NPAS3: variants seen among roughly 807,000 people sequenced by gnomAD.
The protein encoded by NPAS3 is neuronal PAS domain protein 3.
A neutral mutation model predicts 73.1 loss-of-function variants in NPAS3; 14 were observed. That is an observed-to-expected ratio of 0.19 (90% CI 0.13 to 0.30). NPAS3 has a LOEUF of 0.30. NPAS3 is among the 10% of genes least tolerant of loss of function. The pLI, the probability that NPAS3 is intolerant of heterozygous loss-of-function variation, is 1.00. For synonymous variants in NPAS3, 620 were observed against 541.5 expected (o/e 1.14, Z -2.01); for missense variants, 1,096 against 1,250.0 (o/e 0.88, Z 1.86).
intron 1 of NPAS3, among the ~76,000 whole-genome samples, chr14:32,995,004 T>C (rs755646120): frequency 2.0e-5 from 3 of 152,322 alleles, no homozygotes; most frequent in Middle Eastern, 3.4e-3. Context: ...TTTGGAGCAA[T>C]TGTTATTTCA....
At chr14:33,754,696 C>T (rs538206377) in intron 7 of NPAS3, among the ~76,000 whole-genome samples, 1 of 152,170 alleles carries the variant, frequency 6.6e-6, no homozygotes, top group Non-Finnish European at 1.5e-5. Flanking sequence ...TGTCCTTAGT[C>T]CCCAAGAACA....
At chr14:33,012,332 T>C (rs1231417607) in intron 1 of NPAS3, among the ~76,000 whole-genome samples, 1 of 152,214 alleles carries the variant, frequency 6.6e-6, no homozygotes, top group Non-Finnish European at 1.5e-5. Flanking sequence ...ACTTCAAATA[T>C]TCAATTTCTA....
At chr14:33,461,651 A>G (rs970930210) in intron 4 of NPAS3, among the ~76,000 whole-genome samples, 2 of 152,222 alleles carry the variant, frequency 1.3e-5, no homozygotes, top group African/African-American at 4.8e-5. Context: ...AACCACTGCC[A>G]TGTTTGCGGT....
At chr14:33,346,453 A>C (rs996895286) in intron 3 of NPAS3, among the ~76,000 whole-genome samples, 32 of 150,178 alleles carry the variant, frequency 2.1e-4, no homozygotes, top group Non-Finnish European at 3.8e-4. Context: ...GCTTGAACCC[A>C]AGAGGTTGAG....
chr14:33,681,619 T>G (rs2059940428), intron 6 of NPAS3, among the ~76,000 whole-genome samples: 1 of 152,182 alleles, frequency 6.6e-6, no homozygotes, highest in South Asian at 2.1e-4. Flanking sequence ...TATCTACATA[T>G]AGAGTAGCAA....
At chr14:33,197,993 C>T (rs1233065019) in intron 2 of NPAS3, among the ~76,000 whole-genome samples, 2 of 151,396 alleles carry the variant, frequency 1.3e-5, no homozygotes, top group African/African-American at 4.8e-5. Flanking sequence ...GTCTCACTGG[C>T]TTCAGGAGTG....
intron 5 of NPAS3, among the ~76,000 whole-genome samples, chr14:33,650,121 C>T (rs1029264930): frequency 3.9e-5 from 6 of 152,154 alleles, no homozygotes; most frequent in Non-Finnish European, 8.8e-5. Flanking sequence ...GCATTTTGTA[C>T]AGACACAGGC....
intron 3 of NPAS3, among the ~76,000 whole-genome samples, chr14:33,316,712 C>T (rs1337430434): frequency 6.6e-6 from 1 of 152,034 alleles, no homozygotes; most frequent in Non-Finnish European, 1.5e-5. Context: ...CCCTCTTGTG[C>T]ATGTGTTAGC....
chr14:33,390,294 G>T (rs2046946335), intron 4 of NPAS3, among the ~76,000 whole-genome samples: 1 of 152,074 alleles, frequency 6.6e-6, no homozygotes, highest in African/African-American at 2.4e-5. Flanking sequence ...TAAAGACAGT[G>T]GTGAAAACAA....
chr14:33,334,724 G>GTTA (rs1487671704), intron 3 of NPAS3, among the ~76,000 whole-genome samples: 2 of 151,884 alleles, frequency 1.3e-5, no homozygotes, highest in African/African-American at 2.4e-5. Context: ...TAGAATTTTG[G>GTTA]GGAACCAGTT....
chr14:33,301,781 A>G lies in NPAS3; in HGVS notation c.386-65405A>G, dbSNP rs912506257. Reference sequence around the variant, plus strand: ...GTACCATGGTACTGGTAACACACAGAGAATTATTTTTCTTACGTTATACAT... The same window carrying G: ...GTACCATGGTACTGGTAACACACAGGGAATTATTTTTCTTACGTTATACAT... On this transcript the variant is annotated intron_variant, in intron 3 of 11. Coordinates refer to ENST00000356141, the Ensembl canonical transcript of NPAS3. Among the ~76,000 whole-genome samples the G allele has an allele frequency of 2.6e-5, 4 of 152,230 alleles. No individual in the cohort carries two copies. The East Asian group carries it at 5.8e-4, about 22-fold the overall frequency.
intron 6 of NPAS3, among the ~76,000 whole-genome samples, chr14:33,694,259 A>T (rs1357914175): frequency 6.6e-6 from 1 of 152,200 alleles, no homozygotes; most frequent in African/African-American, 2.4e-5. Flanking sequence ...ATATTAAAAC[A>T]TTATCTAAGA....
chr14:33,233,364 CT>C (rs1245462221), intron 3 of NPAS3, among the ~76,000 whole-genome samples: 1 of 152,076 alleles, frequency 6.6e-6, no homozygotes, highest in Non-Finnish European at 1.5e-5. Context: ...ACTGGAAGTA[CT>C]TTTAACTATA....
At chr14:33,029,453 C>G (rs116890913) in intron 1 of NPAS3, among the ~76,000 whole-genome samples, 3,015 of 152,176 alleles carry the variant, frequency 0.02, 64 homozygotes, top group Non-Finnish European at 0.026. Context: ...CTTAGGAGAG[C>G]TCTTGAATCT....
At chr14:33,536,435 G>A (rs967395290) in intron 4 of NPAS3, among the ~76,000 whole-genome samples, 2 of 152,108 alleles carry the variant, frequency 1.3e-5, no homozygotes, top group Admixed American at 6.6e-5. Context: ...GTGCTAGATT[G>A]TATTTTTTCC....
At chr14:33,005,739 T>C (rs955182170) in intron 1 of NPAS3, among the ~76,000 whole-genome samples, 1 of 152,192 alleles carries the variant, frequency 6.6e-6, no homozygotes, top group Non-Finnish European at 1.5e-5. Flanking sequence ...ACTTGGTGGT[T>C]GGGTCCTAAG....
chr14:33,493,087 C>T (rs1198195802), intron 4 of NPAS3, among the ~76,000 whole-genome samples: 9 of 152,226 alleles, frequency 5.9e-5, no homozygotes, highest in Admixed American at 5.2e-4. Context: ...GAGCTTTGTG[C>T]GCAAAAACCA....
At chr14:33,148,944 C>G (rs2044345802) in intron 2 of NPAS3, among the ~76,000 whole-genome samples, 1 of 152,114 alleles carries the variant, frequency 6.6e-6, no homozygotes, top group Non-Finnish European at 1.5e-5. Flanking sequence ...ACCTTGGCCT[C>G]CCCAAGTGCT....
chr14:33,308,679 T>C lies in NPAS3; in HGVS notation c.386-58507T>C, dbSNP rs141843084. On this transcript the variant is annotated intron_variant, in intron 3 of 11. Transcript: ENST00000356141. The stretch of plus-strand genomic sequence containing the variant: ...GAACTTGGAAATTTGTCACTTTTGG[T>C]TTAGAGGTATGTTCCTTAAATAATT... Among the ~76,000 whole-genome samples the C allele has an allele frequency of 8.5e-3, 1,284 of 151,836 alleles. 15 individuals are homozygous for C. The highest frequency in any genetic ancestry group is 0.029 in the African/African-American group (1,201 of 41,364).
Sources: gnomAD v4.1 joint callset for allele counts (sites outside exome capture counted in the v4.1 genomes callset) on GRCh38, gnomAD v4.1.1 for gene constraint, MANE v1.5 for transcripts, NCBI Gene and HGNC (gene_info 2026-07-23, HGNC 2026-07-21) for gene names.